FAM83B: variants seen among roughly 807,000 people sequenced by gnomAD.
The protein encoded by FAM83B is scaffolding CK1 anchoring protein B.
FAM83B carries 26 observed loss-of-function variants against 38.8 expected under a neutral mutation model. The observed-to-expected ratio is 0.67, with a 90% CI of 0.49 to 0.93. FAM83B has a LOEUF of 0.93. Ranked by LOEUF, FAM83B falls within the 40% of genes least tolerant of loss-of-function variation. FAM83B has a pLI of 0.00. For synonymous variants in FAM83B, 419 were observed against 423.1 expected, an observed-to-expected ratio of 0.99 and a Z score of 0.12; for missense variants, 1,237 against 1,197.3, an observed-to-expected ratio of 1.03 and a Z score of -0.49.
At chr6:54,929,715 A>G (rs1773380710) in intron 4 of FAM83B, among the ~76,000 whole-genome samples, 1 of 152,132 alleles carries the variant, frequency 6.6e-6, no homozygotes, top group South Asian at 2.1e-4. Context: ...GCATACTGTT[A>G]CTATTTACAT....
intron 1 of FAM83B, among the ~76,000 whole-genome samples, chr6:54,868,349 ATG>A (rs1771767343): frequency 1.3e-5 from 2 of 152,152 alleles, no homozygotes; most frequent in African/African-American, 2.4e-5. Context: ...CTATTTAAAA[ATG>A]TCTCCAGATG....
At chr6:54,908,839 ACCCCT>A (rs1249512540) in intron 2 of FAM83B, among the ~76,000 whole-genome samples, 16 of 152,134 alleles carry the variant, frequency 1.1e-4, no homozygotes, top group African/African-American at 3.6e-4. Context: ...ATGTTCTGGA[ACCCCT>A]CAGGTATACC....
intron 1 of FAM83B, among the ~76,000 whole-genome samples, chr6:54,860,298 T>C (rs1240522763): frequency 1.3e-5 from 2 of 152,180 alleles, no homozygotes; most frequent in East Asian, 3.8e-4. Flanking sequence ...TCTGGGTTGG[T>C]AAACACATTG....
intron 2 of FAM83B, among the ~76,000 whole-genome samples, chr6:54,897,353 TG>T (rs1772561243): frequency 6.6e-6 from 1 of 152,176 alleles, no homozygotes; most frequent in Admixed American, 6.5e-5. Flanking sequence ...TGCATTGTTA[TG>T]TATTCTCAGT....
intron 2 of FAM83B, among the ~76,000 whole-genome samples, chr6:54,878,663 A>T (rs1414087764): frequency 6.6e-6 from 1 of 152,182 alleles, no homozygotes; most frequent in Non-Finnish European, 1.5e-5. Flanking sequence ...GAGAGGAAAC[A>T]TGGAGGCTAG....
At chr6:54,861,746 A>G (rs1771589267) in intron 1 of FAM83B, among the ~76,000 whole-genome samples, 1 of 152,156 alleles carries the variant, frequency 6.6e-6, no homozygotes, top group African/African-American at 2.4e-5. Flanking sequence ...TCACTGTCCG[A>G]TAATGAGATG....
intron 1 of FAM83B, among the ~76,000 whole-genome samples, chr6:54,861,928 A>G (rs149214099): frequency 6.6e-6 from 1 of 152,140 alleles, no homozygotes; most frequent in Non-Finnish European, 1.5e-5. Flanking sequence ...GTTTCATTCA[A>G]TCTATATCTA....
chr6:54,913,911 A>AT (rs1561923135), intron 2 of FAM83B, among the ~76,000 whole-genome samples: 2 of 151,704 alleles, frequency 1.3e-5, no homozygotes, highest in African/African-American at 4.8e-5. Flanking sequence ...TTTAAAAAAA[A>AT]GCTTTTGAAA....
intron 2 of FAM83B, among the ~76,000 whole-genome samples, chr6:54,897,012 C>T (rs1362063189): frequency 6.6e-6 from 1 of 152,148 alleles, no homozygotes; most frequent in Non-Finnish European, 1.5e-5. Flanking sequence ...ATACATTTGA[C>T]ACCATCCTGT....
intron 1 of FAM83B, 77 bp downstream of exon 1, chr6:54,846,903 G>A (rs1223703738): frequency 2.1e-4 from 26 of 124,358 alleles, no homozygotes; most frequent in African/African-American, 8.0e-4. Context: ...AGGTGCTTGG[G>A]GTACTGGGGG....
chr6:54,910,372 T>C (rs1666404582), intron 2 of FAM83B, among the ~76,000 whole-genome samples: 2 of 152,228 alleles, frequency 1.3e-5, no homozygotes, highest in Admixed American at 1.3e-4. Flanking sequence ...GAATTCATTG[T>C]TCTACATCCT....
At position 54,939,735 on chromosome 6, in the gene FAM83B, T is replaced by A. The variant is rs193274102; in HGVS notation, c.764T>A (p.Leu255His). 6.2e-6 allele frequency: 10 copies of A among 1,609,596 alleles called. No individual in the cohort carries two copies. In the East Asian group the frequency reaches 2.0e-4, roughly 32 times the overall value. Reference protein sequence around the residue: ...SYMWSFEKAHLSMVQIITGQL... With the variant: ...SYMWSFEKAHHSMVQIITGQL... ...ATGTGGTCATTTGAGAAAGCTCACCTCAGCATGGTTCAGATAATTACAGGA... is the reference window on the plus strand; with the variant it reads ...ATGTGGTCATTTGAGAAAGCTCACCACAGCATGGTTCAGATAATTACAGGA... Residue 255 changes from leucine to histidine, a missense_variant, in exon 5 of 5, where the codon CTC becomes CAC. Leu to His is a moderately conservative substitution (Grantham distance 99). Coordinates refer to ENST00000306858, the MANE Select transcript of FAM83B (RefSeq NM_001010872.3).
rs76646471 is a variant in FAM83B at position 54,868,123 on chromosome 6, G to A, written c.-60-2064G>A. 3.4e-3 allele frequency among the ~76,000 whole-genome samples: 518 copies of A among 152,218 alleles called. 8 individuals are homozygous for A. The highest frequency in any genetic ancestry group is 0.033 in the East Asian group (172 of 5,178). On this transcript the variant is annotated intron_variant, in intron 1 of 4. Transcript: ENST00000306858. The stretch of plus-strand genomic sequence containing the variant: ...AACAATGAGCATTATGTGCAAAAGA[G>A]AACTTCAATGAGTGTTGAAAGTTAT...
intron 4 of FAM83B, among the ~76,000 whole-genome samples, chr6:54,930,433 T>TAA (rs1371946512): frequency 3.3e-5 from 5 of 152,110 alleles, no homozygotes; most frequent in African/African-American, 1.2e-4. Flanking sequence ...GTATTTTTCA[T>TAA]ATTTCTAAGT....
chr6:54,909,357 T>A (rs1039696526), intron 2 of FAM83B, among the ~76,000 whole-genome samples: 26 of 152,262 alleles, frequency 1.7e-4, no homozygotes, highest in African/African-American at 6.0e-4. Context: ...AGATTCCAGA[T>A]GAAAACTATT....
At chr6:54,868,713 C>T (rs1052047567) in intron 1 of FAM83B, among the ~76,000 whole-genome samples, 1 of 152,132 alleles carries the variant, frequency 6.6e-6, no homozygotes, top group African/African-American at 2.4e-5. Flanking sequence ...AGCCTAGGAT[C>T]CAGGTATAGT....
intron 1 of FAM83B, among the ~76,000 whole-genome samples, chr6:54,847,508 A>G (rs1771169701): frequency 6.6e-6 from 1 of 152,012 alleles, no homozygotes. Context: ...GTACCTACCA[A>G]AGTTTGAGAA....
chr6:54,932,033 G>A (rs1466460077), intron 4 of FAM83B, among the ~76,000 whole-genome samples: 8 of 103,698 alleles, frequency 7.7e-5, no homozygotes, highest in Admixed American at 1.2e-4. Flanking sequence ...TTTTTGAGAC[G>A]GAGTTTCACT....
At chr6:54,922,380 A>G (rs946249376) in intron 2 of FAM83B, among the ~76,000 whole-genome samples, 4 of 152,088 alleles carry the variant, frequency 2.6e-5, no homozygotes, top group African/African-American at 9.6e-5. Context: ...ATATGTTTTT[A>G]TAAGTTATTT....
Sources: gnomAD v4.1 joint callset for allele counts (sites outside exome capture counted in the v4.1 genomes callset) on GRCh38, gnomAD v4.1.1 for gene constraint, MANE v1.5 for transcripts, NCBI Gene and HGNC (gene_info 2026-07-23, HGNC 2026-07-21) for gene names.